Variants in ADAM2 observed in about 807,000 individuals in gnomAD.
The protein encoded by ADAM2 is ADAM metallopeptidase domain 2.
In ADAM2, 101 loss-of-function variants were observed where a neutral mutation model predicts 99.3. That is an observed-to-expected ratio of 1.02 (90% CI 0.87 to 1.20). The LOEUF is 1.20. Among genes scored for constraint, ADAM2 ranks in the 50% most tolerant of loss-of-function variants. The pLI is 0.00. For synonymous variants in ADAM2, 323 were observed against 287.6 expected, an observed-to-expected ratio of 1.12 and a Z score of -1.25; for missense variants, 948 against 878.7, an observed-to-expected ratio of 1.08 and a Z score of -1.00.
intron 12 of ADAM2, among the ~76,000 whole-genome samples, chr8:39,768,446 T>A (rs536908657): frequency 9.8e-5 from 15 of 152,286 alleles, no homozygotes; most frequent in African/African-American, 3.6e-4. Context: ...ATTCCCTTTA[T>A]CTCTGCTCTC....
At chr8:39,763,185 G>T (rs993111239) in intron 14 of ADAM2, among the ~76,000 whole-genome samples, 3 of 151,892 alleles carry the variant, frequency 2.0e-5, no homozygotes, top group African/African-American at 7.3e-5. Context: ...AGGGCTACTT[G>T]ATTTGATTTA....
At chr8:39,776,632 T>C (rs1803000490) in intron 11 of ADAM2, among the ~76,000 whole-genome samples, 1 of 152,124 alleles carries the variant, frequency 6.6e-6, no homozygotes, top group Non-Finnish European at 1.5e-5. Context: ...AATGGCAGCA[T>C]CTCTGAAATC....
intron 15 of ADAM2, among the ~76,000 whole-genome samples, chr8:39,759,372 C>G (rs1802267532): frequency 6.6e-6 from 1 of 151,646 alleles, no homozygotes. Context: ...AAAAGAAACA[C>G]AAATAAAAAC....
At chr8:39,811,113 C>T (rs1804675162) in intron 6 of ADAM2, among the ~76,000 whole-genome samples, 1 of 152,138 alleles carries the variant, frequency 6.6e-6, no homozygotes. Context: ...GATATCACCA[C>T]CAATCCCACA....
At chr8:39,756,380 T>C (rs1802153731) in intron 15 of ADAM2, among the ~76,000 whole-genome samples, 1 of 152,226 alleles carries the variant, frequency 6.6e-6, no homozygotes, top group Admixed American at 6.5e-5. Context: ...GTTATCACTA[T>C]ATATATCACA....
intron 19 of ADAM2, among the ~76,000 whole-genome samples, chr8:39,746,214 A>G (rs1823442737): frequency 6.6e-6 from 1 of 151,770 alleles, no homozygotes; most frequent in African/African-American, 2.4e-5. Flanking sequence ...TTTTGGAGAG[A>G]TGGGGTTTCA....
chr8:39,806,367 A>G (rs1214913083), intron 7 of ADAM2, among the ~76,000 whole-genome samples: 2 of 151,952 alleles, frequency 1.3e-5, no homozygotes, highest in Non-Finnish European at 2.9e-5. Context: ...AGAAGAATAG[A>G]AACAACGATT....
chr8:39,760,075 C>T (rs1802290890), intron 15 of ADAM2, among the ~76,000 whole-genome samples: 1 of 152,064 alleles, frequency 6.6e-6, no homozygotes, highest in South Asian at 2.1e-4. Context: ...CCAGGTTGGC[C>T]AGGCTGGTCT....
At chr8:39,787,490 T>A (rs1436735293) in intron 9 of ADAM2, among the ~76,000 whole-genome samples, 1 of 151,050 alleles carries the variant, frequency 6.6e-6, no homozygotes, top group Non-Finnish European at 1.5e-5. Context: ...GGACAGAAGA[T>A]AAAAAGTAAA....
chr8:39,747,157 G>C (rs1823504233), intron 18 of ADAM2, among the ~76,000 whole-genome samples: 1 of 151,958 alleles, frequency 6.6e-6, no homozygotes, highest in South Asian at 2.1e-4. Context: ...TATGCCCTTT[G>C]GTTTATAATC....
At chr8:39,796,503 C>T (rs1462084612) in intron 7 of ADAM2, among the ~76,000 whole-genome samples, 1 of 152,154 alleles carries the variant, frequency 6.6e-6, no homozygotes, top group East Asian at 1.9e-4. Flanking sequence ...AATAAACATA[C>T]ATGAGCATGT....
At chr8:39,754,036 C>A (rs1048745167) in intron 16 of ADAM2, among the ~76,000 whole-genome samples, 1 of 152,184 alleles carries the variant, frequency 6.6e-6, no homozygotes, top group African/African-American at 2.4e-5. Flanking sequence ...GAGCATGCAT[C>A]TTTCCTAAGC....
Position 39,749,179 on chromosome 8 carries a change from A to G in ADAM2, c.2014+133T>C, listed in dbSNP as rs987824892. 5.3e-6 allele frequency: 4 copies of G among 759,200 alleles called. No homozygotes were observed. In the Admixed American group the frequency reaches 8.4e-5, roughly 16 times the overall value. 47.0% of individuals were successfully genotyped at this position (759,200 alleles called of 1,614,324 possible). A position where few individuals can be genotyped will look rare whatever the true frequency, so the allele number is the denominator to read the frequency against. On this transcript the variant is annotated intron_variant, in intron 18 of 20. Transcript: ENST00000265708. ...TACTCTCTGGAAGTGGAAGTAACAC[A>G]TACACATTCATGTGCAGTTTAATGT...
At chr8:39,773,902 T>A (rs1182029433) in intron 11 of ADAM2, among the ~76,000 whole-genome samples, 2 of 151,880 alleles carry the variant, frequency 1.3e-5, no homozygotes, top group Non-Finnish European at 2.9e-5. Flanking sequence ...AAGATCTGTA[T>A]CACTCATTAA....
At chr8:39,775,039 T>C (rs1802931950) in intron 11 of ADAM2, among the ~76,000 whole-genome samples, 1 of 152,090 alleles carries the variant, frequency 6.6e-6, no homozygotes, top group Non-Finnish European at 1.5e-5. Flanking sequence ...GCATGTATTA[T>C]TGAGATGGCA....
At chr8:39,759,360 T>C (rs1433902023) in intron 15 of ADAM2, among the ~76,000 whole-genome samples, 1 of 151,492 alleles carries the variant, frequency 6.6e-6, no homozygotes, top group African/African-American at 2.4e-5. Context: ...AAAAAACTAA[T>C]AAAAAGAAAC....
chr8:39,756,550 A>G (rs555898580), intron 15 of ADAM2, among the ~76,000 whole-genome samples: 15 of 152,304 alleles, frequency 9.8e-5, no homozygotes, highest in African/African-American at 3.6e-4. Flanking sequence ...AGGCAGAGAG[A>G]CTAACCCTAG....
chr8:39,784,872 G>A (rs1457865949), intron 10 of ADAM2, among the ~76,000 whole-genome samples: 1 of 152,160 alleles, frequency 6.6e-6, no homozygotes, highest in Non-Finnish European at 1.5e-5. Context: ...GTCTGTTCAT[G>A]TCTTTTGCCC....
intron 18 of ADAM2, among the ~76,000 whole-genome samples, chr8:39,748,588 G>A (rs1032262033): frequency 2.6e-5 from 4 of 152,040 alleles, no homozygotes; most frequent in African/African-American, 9.7e-5. Flanking sequence ...CTGGTCCTAA[G>A]TATTATTGGA....
Sources: gnomAD v4.1 joint callset for allele counts (sites outside exome capture counted in the v4.1 genomes callset) on GRCh38, gnomAD v4.1.1 for gene constraint, MANE v1.5 for transcripts, NCBI Gene and HGNC (gene_info 2026-07-23, HGNC 2026-07-21) for gene names.